Variants in SBF2 observed in about 807,000 individuals in gnomAD.
SBF2 encodes myotubularin-related protein 13.
A neutral mutation model predicts 225.2 loss-of-function variants in SBF2; 112 were observed. That is an observed-to-expected ratio of 0.50 (90% confidence interval 0.43 to 0.58). The LOEUF (loss-of-function observed/expected upper bound fraction) is 0.58, where lower values mean the gene tolerates loss of function less well. SBF2 is among the 20% of genes least tolerant of loss of function. The probability of loss-of-function intolerance (pLI) is 0.00; values close to 1 mark genes in which losing one functional copy is unlikely to be tolerated. For synonymous variants in SBF2, 763 were observed against 773.3 expected (o/e 0.99, Z 0.22); for missense variants, 1,996 against 2,206.2 (o/e 0.90, Z 1.91).
chr11:10,203,421 G>A (rs1431557182), intron 1 of SBF2, among the ~76,000 whole-genome samples: 2 of 152,180 alleles, frequency 1.3e-5, no homozygotes, highest in Admixed American at 1.3e-4. Flanking sequence ...AAATGTTGCT[G>A]TAGATCTACC....
intron 2 of SBF2, among the ~76,000 whole-genome samples, chr11:10,043,477 A>T (rs1214191818): frequency 6.6e-6 from 1 of 152,226 alleles, no homozygotes; most frequent in Non-Finnish European, 1.5e-5. Context: ...AAAAAAGAGG[A>T]ATCATAGAAT....
chr11:9,905,582 G>A, intron 16 of SBF2, among the ~76,000 whole-genome samples: 1 of 152,166 alleles, frequency 6.6e-6, no homozygotes, highest in South Asian at 2.1e-4. Flanking sequence ...AAAGGGATGA[G>A]ATAAATTCAT....
rs760322801 is a variant in SBF2 at position 10,193,893 on chromosome 11, A to T, written c.141+9T>A. On this transcript the variant is annotated intron_variant, in intron 2 of 39. Coordinates refer to ENST00000256190, the MANE Select transcript of SBF2 (RefSeq NM_030962.4). ...ATTATAAATATGCAATAATACAACA[A>T]CCACTTACCAACTCAATTCCCTGTG... is the stretch of plus-strand genomic sequence containing the variant. The T allele has an allele frequency of 3.8e-6, 6 of 1,583,572 alleles. No homozygotes were observed. Among genetic ancestry groups the T allele is most frequent in the African/African-American group, 1.3e-5 (1 of 74,334 alleles).
chr11:9,882,530 C>T (rs535092754), intron 17 of SBF2, among the ~76,000 whole-genome samples: 9 of 152,230 alleles, frequency 5.9e-5, no homozygotes, highest in Admixed American at 1.3e-4. Context: ...ACTTCTCGGC[C>T]GGGCATGGTG....
Position 10,265,857 on chromosome 11 carries a change from T to TTGTG in SBF2, c.55+28154_55+28157dup, listed in dbSNP as rs10616720. 2.9e-3 allele frequency among the ~76,000 whole-genome samples: 438 copies of TTGTG among 150,272 alleles called. 3 individuals carry two copies. In the East Asian group the frequency reaches 0.033, roughly 11 times the overall value. ...GGTGCACACCACCAGGCCAGGCTAA[T>TTGTG]TGTGTGTGTGTGTGTGTGCGCGCGC... On this transcript the variant is annotated intron_variant, in intron 1 of 39. Transcript: ENST00000256190.
intron 17 of SBF2, among the ~76,000 whole-genome samples, chr11:9,882,676 A>G (rs554605233): frequency 3.1e-4 from 47 of 151,634 alleles, no homozygotes; most frequent in South Asian, 1.9e-3. Flanking sequence ...GCGCGGTGGC[A>G]GGCGCCTGTA....
chr11:10,260,674 G>A (rs1961339943), intron 1 of SBF2, among the ~76,000 whole-genome samples: 1 of 147,264 alleles, frequency 6.8e-6, no homozygotes, highest in Admixed American at 6.9e-5. Context: ...CTGCACTCCA[G>A]CCTGGGCAAC....
intron 1 of SBF2, among the ~76,000 whole-genome samples, chr11:10,249,777 T>C (rs1960176497): frequency 9.6e-6 from 1 of 104,320 alleles, no homozygotes; most frequent in Admixed American, 8.9e-5. Context: ...GTCCATAGCA[T>C]TGGAATGCTA....
At chr11:10,226,339 T>C (rs1958544109) in intron 1 of SBF2, among the ~76,000 whole-genome samples, 2 of 152,150 alleles carry the variant, frequency 1.3e-5, no homozygotes. Context: ...TTAATTTTAT[T>C]ATTATTATAG....
intron 16 of SBF2, among the ~76,000 whole-genome samples, chr11:9,900,316 A>G (rs533303529): frequency 1.3e-4 from 20 of 152,110 alleles, no homozygotes; most frequent in Non-Finnish European, 7.4e-5. Context: ...ACTTCCTCAT[A>G]AAGCAACCTT....
At chr11:10,304,533 C>T (rs1964630663) in exon 1 of SBF2, 1 of 152,188 alleles carries the variant, frequency 6.6e-6, no homozygotes, top group Non-Finnish European at 1.5e-5. Flanking sequence ...CTCTGGGGGA[C>T]TAGTGAGTCC....
At chr11:9,839,250 G>A in intron 26 of SBF2, 1 of 500,928 alleles carries the variant, frequency 2.0e-6, no homozygotes. Flanking sequence ...AAACTGGGAA[G>A]AGAAAGACAA....
chr11:9,958,427 G>A (rs1375816445), intron 16 of SBF2: 2 of 146,600 alleles, frequency 1.4e-5, no homozygotes, highest in African/African-American at 5.1e-5. Context: ...GCGCAATCTC[G>A]GCTCACTGCA....
At chr11:9,830,871 A>G (rs1415338592) in intron 27 of SBF2, among the ~76,000 whole-genome samples, 1 of 152,224 alleles carries the variant, frequency 6.6e-6, no homozygotes, top group Non-Finnish European at 1.5e-5. Flanking sequence ...GATTTAAAAA[A>G]ATCAGCAACC....
intron 2 of SBF2, among the ~76,000 whole-genome samples, chr11:10,065,261 T>C (rs1950587295): frequency 6.6e-6 from 1 of 152,084 alleles, no homozygotes; most frequent in South Asian, 2.1e-4. Context: ...AGGATGCTAC[T>C]AAAGTAGTAT....
intron 1 of SBF2, among the ~76,000 whole-genome samples, chr11:10,245,806 AT>A (rs1959731261): frequency 6.6e-6 from 1 of 152,210 alleles, no homozygotes; most frequent in Non-Finnish European, 1.5e-5. Context: ...ATGAAGTGTT[AT>A]TTGGCCTTCA....
Position 9,812,569 on chromosome 11 carries a change from A to T in SBF2, c.4118T>A (p.Phe1373Tyr), listed in dbSNP as rs753564262. The change falls in exon 30 of 40, where the codon TTC becomes TAC. Residue 1373 changes from phenylalanine to tyrosine, a missense_variant. By Grantham distance (22) the Phe-to-Tyr change is conservative (BLOSUM62 3). Coordinates refer to ENST00000256190, the MANE Select transcript of SBF2 (RefSeq NM_030962.4). ...STIPTDSEVTFLKALGDSEWF... is the reference protein window; with the variant it reads ...STIPTDSEVTYLKALGDSEWF... ...CTCAGAATCTCCCAGCGCTTTCAGGAAGGTCACTTCTGAGTCAGTAGGGAT... is the reference window on the plus strand; with the variant it reads ...CTCAGAATCTCCCAGCGCTTTCAGGTAGGTCACTTCTGAGTCAGTAGGGAT... The T allele has an allele frequency of 1.1e-5, 18 of 1,614,106 alleles. No homozygotes were observed. Among genetic ancestry groups the T allele is most frequent in the Non-Finnish European group, 1.4e-5 (17 of 1,180,044 alleles).
chr11:9,812,804 G>A lies in SBF2; in HGVS notation c.3979-96C>T, dbSNP rs1854263759. The A allele has an allele frequency of 2.4e-6, 3 of 1,262,728 alleles. No homozygotes were observed. The African/African-American group carries it at 4.4e-5, about 19-fold the overall frequency. The allele number at this position is 1,262,728 out of a possible 1,614,324, so 78.2% of individuals were successfully genotyped here. A position where few individuals can be genotyped will look rare whatever the true frequency, so the allele number is the denominator to read the frequency against. ...CAGTGCATAATGACAAAGTTATTTG[G>A]GGCCAAATAGCTGCAGAGGCTGCCA... On this transcript the variant is annotated intron_variant, in intron 29 of 39. Coordinates refer to ENST00000256190, the MANE Select transcript of SBF2 (RefSeq NM_030962.4).
Position 10,117,217 on chromosome 11 carries a change from A to G in SBF2, c.142-74236T>C, listed in dbSNP as rs991952592. Among the ~76,000 whole-genome samples the G allele has an allele frequency of 7.2e-5, 11 of 152,034 alleles. 1 individual carries two copies. The highest frequency in any genetic ancestry group is 2.0e-4 in the Admixed American group (3 of 15,268). On this transcript the variant is annotated intron_variant, in intron 2 of 39. Coordinates refer to ENST00000256190, the MANE Select transcript of SBF2 (RefSeq NM_030962.4). ...GCACTTCAGGAGGCTGAGGCAGGTGAATCACTTGAGGTTAGGAGTTCGAGA... is the reference window on the plus strand; with the variant it reads ...GCACTTCAGGAGGCTGAGGCAGGTGGATCACTTGAGGTTAGGAGTTCGAGA...
Sources: allele counts gnomAD v4.1 joint callset (sites outside exome capture counted in the v4.1 genomes callset), GRCh38; gene constraint gnomAD v4.1.1; transcripts MANE v1.5; gene names NCBI Gene and HGNC (gene_info 2026-07-23, HGNC 2026-07-21).